SCG3: variants seen among roughly 807,000 people sequenced by gnomAD.
The protein encoded by SCG3 is secretogranin III, also known as secretogranin-3.
A neutral mutation model predicts 56.2 loss-of-function variants in SCG3; 38 were observed. That is an observed-to-expected ratio of 0.68 (90% confidence interval 0.52 to 0.89). The LOEUF (loss-of-function observed/expected upper bound fraction) is 0.89, where lower values mean the gene tolerates loss of function less well. Ranked by LOEUF, SCG3 falls within the 40% of genes least tolerant of loss-of-function variation. The probability of loss-of-function intolerance (pLI) is 0.00; values close to 1 mark genes in which losing one functional copy is unlikely to be tolerated. For synonymous variants in SCG3, 176 were observed against 184.2 expected (o/e 0.96, Z 0.36); for missense variants, 524 against 540.7 (o/e 0.97, Z 0.31).
chr15:51,694,400 C>T (rs537582531), intron 7 of SCG3, among the ~76,000 whole-genome samples: 27 of 152,270 alleles, frequency 1.8e-4, no homozygotes, highest in Middle Eastern at 3.4e-3. Flanking sequence ...TTCTCAGGTT[C>T]TTGCCTTGCA....
rs750951935 is a variant in SCG3 at position 51,704,244 on chromosome 15, CATATATATATATATATATATATATAT to C, written c.1207+3010_1207+3035del. Among the ~76,000 whole-genome samples, 7 of 73,630 alleles carry C rather than the reference CATATATATATATATATATATATATAT, an allele frequency of 9.5e-5. No homozygotes were observed. In the South Asian group the frequency reaches 4.7e-3, roughly 50 times the overall value. The allele number at this position is 73,630 out of a possible 152,430, so 48.3% of individuals were successfully genotyped here. A position where few individuals can be genotyped will look rare whatever the true frequency, so the allele number is the denominator to read the frequency against. On this transcript the variant is annotated intron_variant, in intron 10 of 11. Transcript: ENST00000220478. ...ATATGTGTGTATACATACATACATA[CATATATATATATATATATATATATAT>C]ATATATATAAAATAGCTCTTTTTTG...
At chr15:51,696,056 TG>T in intron 8 of SCG3, 65 bp downstream of exon 8, 1 of 879,688 alleles carries the variant, frequency 1.1e-6, no homozygotes, top group Non-Finnish European at 1.9e-6. Flanking sequence ...ATTAGGGACT[TG>T]GCAATAATGA....
chr15:51,712,858 G>C (rs1595841466), intron 10 of SCG3, among the ~76,000 whole-genome samples: 1 of 152,168 alleles, frequency 6.6e-6, no homozygotes, highest in Admixed American at 6.5e-5. Context: ...AGAAGACTTA[G>C]AGCTGCTTAC....
rs59206609 is a variant in SCG3, at chr15:51,686,681, A to ATGTTTGTTTGTTTGTTTGTT, written c.398-1575_398-1556dup. ...GCCAGCCAGGAGGAGAACTGATTTTATGTTTGTTTGTTTGTTTGTTTGTAT... is the reference window on the plus strand; with the variant it reads ...GCCAGCCAGGAGGAGAACTGATTTTATGTTTGTTTGTTTGTTTGTTTGTTTGTTTGTTTGTTTGTTTGTAT... On this transcript the variant is annotated intron_variant, in intron 4 of 11. Transcript: ENST00000220478. 2.1e-4 allele frequency among the ~76,000 whole-genome samples: 32 copies of ATGTTTGTTTGTTTGTTTGTT among 150,588 alleles called. No homozygotes were observed. In the East Asian group the frequency reaches 3.4e-3, roughly 16 times the overall value.
intron 10 of SCG3, among the ~76,000 whole-genome samples, chr15:51,701,549 G>T (rs2055339653): frequency 6.6e-6 from 1 of 152,144 alleles, no homozygotes; most frequent in African/African-American, 2.4e-5. Context: ...ATAATCTTAT[G>T]AATTTATTGA....
chr15:51,698,256 T>G (rs999482682), intron 8 of SCG3, among the ~76,000 whole-genome samples: 3 of 152,216 alleles, frequency 2.0e-5, no homozygotes, highest in East Asian at 3.8e-4. Context: ...AGGCTCGTCC[T>G]AAAATAGTGT....
At chr15:51,690,473 C>T (rs1416373446) in intron 6 of SCG3, among the ~76,000 whole-genome samples, 1 of 152,010 alleles carries the variant, frequency 6.6e-6, no homozygotes, top group Non-Finnish European at 1.5e-5. Flanking sequence ...ACTATAGAGG[C>T]TGATGGTTCT....
chr15:51,702,007 AC>A (rs2141571888), intron 10 of SCG3, among the ~76,000 whole-genome samples: 1 of 152,344 alleles, frequency 6.6e-6, no homozygotes, highest in Non-Finnish European at 1.5e-5. Flanking sequence ...TGGGTGCAGC[AC>A]ACCAGCATGG....
At chr15:51,709,050 G>C (rs192526741) in intron 10 of SCG3, among the ~76,000 whole-genome samples, 1 of 152,240 alleles carries the variant, frequency 6.6e-6, no homozygotes, top group Admixed American at 6.5e-5. Flanking sequence ...ACCCGAGACT[G>C]GGTAATTTAT....
intron 11 of SCG3, among the ~76,000 whole-genome samples, chr15:51,716,480 G>A (rs2055456604): frequency 6.6e-6 from 1 of 152,164 alleles, no homozygotes; most frequent in Non-Finnish European, 1.5e-5. Context: ...AGTACTACAA[G>A]GCTATGGAAT....
At chr15:51,682,130 C>A (rs1187050025) in intron 1 of SCG3, among the ~76,000 whole-genome samples, 3 of 152,052 alleles carry the variant, frequency 2.0e-5, no homozygotes, top group African/African-American at 7.2e-5. Context: ...GCCTTACAAC[C>A]TTTCTCAGAC....
rs56192434 is a variant in SCG3, at chr15:51,704,764, CATAT to C, written c.1207+3548_1207+3551del. On this transcript the variant is annotated intron_variant, in intron 10 of 11. Coordinates refer to ENST00000220478, the MANE Select transcript of SCG3 (RefSeq NM_013243.4). ...TACCTTTTGGCTGTTGTGAGTAATA[CATAT>C]ATATATATATATATATATATATATA... Among the ~76,000 whole-genome samples the C allele has an allele frequency of 6.9e-3, 465 of 67,044 alleles. 14 individuals are homozygous for C. Among genetic ancestry groups the C allele is most frequent in the Middle Eastern group, 0.028 (2 of 72 alleles). 44.0% of individuals were successfully genotyped at this position (67,044 alleles called of 152,430 possible).
chr15:51,708,340 A>C (rs959183270), intron 10 of SCG3: 7 of 152,232 alleles, frequency 4.6e-5, no homozygotes, highest in African/African-American at 1.7e-4. Context: ...ACCTGATGTG[A>C]TTCCCATTGT....
intron 7 of SCG3, among the ~76,000 whole-genome samples, chr15:51,695,099 G>C (rs2055294375): frequency 6.6e-6 from 1 of 151,888 alleles, no homozygotes; most frequent in African/African-American, 2.4e-5. Flanking sequence ...GGAGTTAGAG[G>C]GGATGAGGAA....
chr15:51,705,447 C>T (rs1022697520), intron 10 of SCG3, among the ~76,000 whole-genome samples: 2 of 151,958 alleles, frequency 1.3e-5, no homozygotes, highest in African/African-American at 4.8e-5. Context: ...TTTCCCTCTT[C>T]ATTAGGATTT....
At chr15:51,710,655 T>C (rs12905464) in intron 10 of SCG3, among the ~76,000 whole-genome samples, 27,771 of 152,020 alleles carry the variant, frequency 0.18, 2,872 homozygotes, top group Non-Finnish European at 0.23. Context: ...GGTGCAATCT[T>C]GGCTCACTGC....
chr15:51,713,990 C>G (rs1351405672), intron 11 of SCG3, among the ~76,000 whole-genome samples: 1 of 152,140 alleles, frequency 6.6e-6, no homozygotes, highest in East Asian at 1.9e-4. Flanking sequence ...GATCTTCATA[C>G]TAGGACAGAG....
rs1484515440 is a variant in SCG3 at position 51,683,398 on chromosome 15, G to C, written c.361G>C (p.Asp121His). Residue 121 changes from aspartate (D) to histidine (H), a missense_variant, in exon 4 of 12, where the codon GAC becomes CAC. Physicochemically the swap from Asp to His is moderately conservative, Grantham distance 81. Coordinates refer to ENST00000220478, the MANE Select transcript of SCG3 (RefSeq NM_013243.4). ...GAATCGAAAACTGATCGATGATTAT[G>C]ACTCTACTAAGAGTGGATTGGATCA... ...TKNRKLIDDYDSTKSGLDHKF... is the reference protein window; with the variant it reads ...TKNRKLIDDYHSTKSGLDHKF... 49 of 1,613,318 alleles carry C rather than the reference G, an allele frequency of 3.0e-5. No individual in the cohort carries two copies. The highest frequency in any genetic ancestry group is 4.1e-5 in the Non-Finnish European group (48 of 1,179,738).
chr15:51,715,539 G>C (rs746041854), intron 11 of SCG3, among the ~76,000 whole-genome samples: 4 of 152,148 alleles, frequency 2.6e-5, no homozygotes, highest in Admixed American at 1.3e-4. Context: ...TGAGGATAAT[G>C]AGAAAATCTT....
Sources: allele counts gnomAD v4.1 joint callset (sites outside exome capture counted in the v4.1 genomes callset), GRCh38; gene constraint gnomAD v4.1.1; transcripts MANE v1.5; gene names NCBI Gene and HGNC (gene_info 2026-07-23, HGNC 2026-07-21).